Variants in TTC3 observed in about 807,000 individuals in gnomAD.
TTC3 encodes the protein E3 ubiquitin-protein ligase TTC3.
In TTC3, 180 loss-of-function variants were observed where a neutral mutation model predicts 249.6. The ratio of observed to expected loss-of-function variants is 0.72; its 90% CI spans 0.64 to 0.82. The LOEUF is 0.82. Among genes scored for constraint, TTC3 ranks in the 40% least tolerant of loss-of-function variants. TTC3 has a pLI of 0.00. For missense variants in TTC3, 2,061 were observed against 2,398.4 expected (o/e 0.86, Z 2.94); for synonymous variants, 717 against 805.0 (o/e 0.89, Z 1.85).
At position 37,124,206 on chromosome 21, in the gene TTC3, A is replaced by C. The variant is rs548689290; in HGVS notation, c.1110-413A>C. Among the ~76,000 whole-genome samples the C allele has an allele frequency of 5.6e-5, 7 of 124,126 alleles. No homozygotes were observed. In the East Asian group the frequency reaches 1.6e-3, roughly 29 times the overall value. The allele number at this position is 124,126 out of a possible 152,430, so 81.4% of individuals were successfully genotyped here. On this transcript the variant is annotated intron_variant, in intron 13 of 45. Coordinates refer to ENST00000355666, the Ensembl canonical transcript of TTC3. ...TCTTGGGTCACTGAAACCTCCGCCT[A>C]CTGGGTTCAAGCAGGTCTCCTGCCT...
exon 12 of TTC3, chr21:37,121,876 A>G: frequency 6.2e-7 from 1 of 1,613,046 alleles, no homozygotes; most frequent in Non-Finnish European, 8.5e-7. Context: ...GGGCCCTGCA[A>G]GCAAACATAA....
exon 46 of TTC3, chr21:37,201,674 A>T: frequency 1.4e-6 from 2 of 1,434,932 alleles, no homozygotes; most frequent in Non-Finnish European, 1.9e-6. Flanking sequence ...ACCCTTGTGC[A>T]TTGTGTGTCA....
intron 16 of TTC3, among the ~76,000 whole-genome samples, chr21:37,131,561 TC>T (rs1387643193): frequency 1.3e-5 from 2 of 152,092 alleles, no homozygotes; most frequent in African/African-American, 4.8e-5. Context: ...AGTAAGCACT[TC>T]CTTGAGTTCC....
At chr21:37,128,441 A>G (rs927224742) in intron 15 of TTC3, among the ~76,000 whole-genome samples, 1 of 152,130 alleles carries the variant, frequency 6.6e-6, no homozygotes, top group African/African-American at 2.4e-5. Context: ...TTGAAATCAC[A>G]CAGGTTTACT....
chr21:37,192,268 G>A (rs2084239668), intron 41 of TTC3, 55 bp downstream of exon 41: 1 of 1,184,986 alleles, frequency 8.4e-7, no homozygotes, highest in Admixed American at 2.6e-5. Context: ...TTGTTAACTG[G>A]CCAAAGTAGT....
At chr21:37,157,184 A>G (rs1463028676) in intron 28 of TTC3, 4 of 1,365,456 alleles carry the variant, frequency 2.9e-6, no homozygotes, top group Admixed American at 4.4e-5. Context: ...ATCATGGGAA[A>G]GATTGCATGT....
At chr21:37,191,419 G>A (rs2084078382) in exon 40 of TTC3, 3 of 1,569,704 alleles carry the variant, frequency 1.9e-6, no homozygotes, top group East Asian at 2.4e-5. Flanking sequence ...AATTGAGAAA[G>A]CAAAGGTAAG....
In TTC3 at chr21:37,140,478, TA is replaced by T. The variant is rs564780706; in HGVS notation, c.1660-75del. 459 of 951,678 alleles carry T rather than the reference TA, an allele frequency of 4.8e-4. 1 individual carries two copies. The African/African-American group carries it at 7.0e-3, about 15-fold the overall frequency. The allele number at this position is 951,678 out of a possible 1,614,324, so 59.0% of individuals were successfully genotyped here. On this transcript the variant is annotated intron_variant, in intron 19 of 45. Transcript: ENST00000355666. ...ATATGCAGTTGTTATTTTAATATTA[TA>T]AAAAAAATCAACCTTTAGATAAAAT...
chr21:37,106,628 T>C (rs2075101953), intron 10 of TTC3, among the ~76,000 whole-genome samples: 1 of 152,216 alleles, frequency 6.6e-6, no homozygotes. Context: ...CTCATGCCTG[T>C]ATTCCCAGCA....
chr21:37,130,974 G>A (rs961197398), intron 16 of TTC3, among the ~76,000 whole-genome samples: 12 of 152,164 alleles, frequency 7.9e-5, no homozygotes, highest in African/African-American at 2.9e-4. Flanking sequence ...GACAGATATT[G>A]TGAAATGGTT....
At chr21:37,077,004 A>G (rs1245174473) in intron 1 of TTC3, among the ~76,000 whole-genome samples, 1 of 152,034 alleles carries the variant, frequency 6.6e-6, no homozygotes, top group East Asian at 1.9e-4. Context: ...CTACAAAGGG[A>G]TAATTTAAAA....
chr21:37,094,997 A>T (rs546846946), intron 8 of TTC3, among the ~76,000 whole-genome samples: 1 of 152,126 alleles, frequency 6.6e-6, no homozygotes, highest in East Asian at 1.9e-4. Context: ...TTAGCTTGGC[A>T]TGGTGGGGTG....
intron 10 of TTC3, among the ~76,000 whole-genome samples, chr21:37,100,266 G>A (rs1434353589): frequency 6.6e-6 from 1 of 152,118 alleles, no homozygotes; most frequent in Non-Finnish European, 1.5e-5. Flanking sequence ...TGTTCATTTT[G>A]TTAATGTTCT....
At chr21:37,180,100 G>A (rs1363886305) in intron 35 of TTC3, among the ~76,000 whole-genome samples, 1 of 152,200 alleles carries the variant, frequency 6.6e-6, no homozygotes, top group African/African-American at 2.4e-5. Flanking sequence ...GGGCGTTTCT[G>A]CAGCATCCTC....
At chr21:37,180,670 T>G (rs2082674449) in intron 35 of TTC3, among the ~76,000 whole-genome samples, 1 of 146,060 alleles carries the variant, frequency 6.8e-6, no homozygotes, top group African/African-American at 2.5e-5. Flanking sequence ...AGATGACGAG[T>G]TAGTGGGTGC....
chr21:37,118,449 T>C (rs957729335), intron 11 of TTC3, among the ~76,000 whole-genome samples: 2 of 152,222 alleles, frequency 1.3e-5, no homozygotes, highest in Non-Finnish European at 2.9e-5. Context: ...TCAACAGATA[T>C]GTTTGTGCAG....
intron 35 of TTC3, among the ~76,000 whole-genome samples, chr21:37,180,721 T>A (rs2082680551): frequency 6.7e-6 from 1 of 148,684 alleles, no homozygotes; most frequent in Non-Finnish European, 1.5e-5. Flanking sequence ...GTAACTAACC[T>A]GCACAATGTG....
At chr21:37,121,673 T>C (rs745387973) in intron 11 of TTC3, 144 bp from the exon 12 acceptor site, 9 of 732,764 alleles carry the variant, frequency 1.2e-5, no homozygotes, top group Non-Finnish European at 1.9e-5. Context: ...GGTATTAACA[T>C]TTTACATTTA....
At chr21:37,150,999 C>A in intron 25 of TTC3, 115 bp downstream of exon 25, 3 of 605,362 alleles carry the variant, frequency 5.0e-6, no homozygotes, top group East Asian at 3.2e-5. Flanking sequence ...TACATATATT[C>A]AAATAAGTGT....
Sources: allele counts gnomAD v4.1 joint callset (sites outside exome capture counted in the v4.1 genomes callset), GRCh38; gene constraint gnomAD v4.1.1; transcripts MANE v1.5; gene names NCBI Gene and HGNC (gene_info 2026-07-23, HGNC 2026-07-21).